DCAF1: variants seen among roughly 807,000 people sequenced by gnomAD.
DCAF1 encodes DDB1 and CUL4 associated factor 1.
A neutral mutation model predicts 128.0 loss-of-function variants in DCAF1; 15 were observed. That is an observed-to-expected ratio of 0.12 (90% CI 0.08 to 0.18). DCAF1 has a LOEUF of 0.18. Ranked by LOEUF, DCAF1 falls within the 10% of genes least tolerant of loss-of-function variation. The pLI, the probability that DCAF1 is intolerant of heterozygous loss-of-function variation, is 1.00. For synonymous variants in DCAF1, 610 were observed against 603.0 expected, an observed-to-expected ratio of 1.01 and a Z score of -0.17; for missense variants, 988 against 1,649.5, an observed-to-expected ratio of 0.60 and a Z score of 6.95.
chr3:51,423,465 G>A lies in DCAF1; in HGVS notation c.1848-1034C>T, dbSNP rs1473273642. ...TGCAGTGAGCTGAGATTGAGCCACC[G>A]CACTCCAGCTCGGGCCACAGAGAGA... On this transcript the variant is annotated intron_variant, in intron 13 of 24. Transcript: ENST00000684031. Among the ~76,000 whole-genome samples the A allele has an allele frequency of 2.0e-5, 3 of 149,666 alleles. 1 individual carries two copies. Among genetic ancestry groups the A allele is most frequent in the Middle Eastern group, 6.4e-3 (2 of 314 alleles).
intron 13 of DCAF1, among the ~76,000 whole-genome samples, chr3:51,425,559 CTTTTT>C (rs782117372): frequency 5.2e-5 from 5 of 96,838 alleles, no homozygotes; most frequent in African/African-American, 1.2e-4. Context: ...AAGCTGTCAT[CTTTTT>C]TTTTTTTTTT....
chr3:51,437,346 G>C (rs782615773), intron 9 of DCAF1: 2 of 487,998 alleles, frequency 4.1e-6, no homozygotes, highest in African/African-American at 4.7e-5. Flanking sequence ...TTCCTGGGTT[G>C]CAAAGGGGCT....
chr3:51,420,437 A>C lies in DCAF1; in HGVS notation c.2533T>G (p.Phe845Val). Reference protein sequence around the residue: ...ADVVAQSRISFPEKELLLLIR... With the variant: ...ADVVAQSRISVPEKELLLLIR... The stretch of plus-strand genomic sequence containing the variant: ...AACAAAAGCAGCTCTTTCTCAGGGA[A>C]GGAGATCCTTGACTGGGCAACAACA... The change falls in exon 15 of 25, where the codon TTC (phenylalanine) becomes GTC (valine). Residue 845 changes from phenylalanine to valine, a missense_variant. Around this residue, in one of 11 missense-constraint regions of DCAF1, gnomAD observed 76 missense variants for 186.9 expected, o/e 0.41. Transcript: ENST00000684031. This position sits in a 1 kb window ranked among gnomAD's most constrained non-coding sequence, Gnocchi z 6.5. 6.2e-7 allele frequency: 1 copy of C among 1,614,012 alleles called. No individual in the cohort carries two copies. The highest frequency in any genetic ancestry group is 2.2e-5 in the East Asian group (1 of 44,880).
intron 23 of DCAF1, among the ~76,000 whole-genome samples, chr3:51,409,774 AG>A (rs1490915545): frequency 4.6e-5 from 7 of 152,220 alleles, no homozygotes; most frequent in Non-Finnish European, 1.0e-4. Context: ...GAGGTGTCTA[AG>A]GTAGCAAACT....
intron 20 of DCAF1, 36 bp from the exon 21 acceptor site, chr3:51,413,422 A>G: frequency 6.3e-7 from 1 of 1,589,084 alleles, no homozygotes; most frequent in Non-Finnish European, 8.6e-7. Context: ...ACTATTAGGA[A>G]TCACAAACAT....
At position 51,412,380 on chromosome 3, in the gene DCAF1, T is replaced by C. The variant is rs1553628706; in HGVS notation, c.4211A>G (p.Gln1404Arg). 1 of 1,613,914 alleles carries C rather than the reference T, an allele frequency of 6.2e-7. No homozygotes were observed. Among genetic ancestry groups the C allele is most frequent in the Admixed American group, 1.7e-5 (1 of 60,016 alleles). Residue 1404 changes from glutamine to arginine, a missense_variant and splice_region_variant, in exon 23 of 25, where the codon CAG (glutamine) becomes CGG (arginine). Transcript: ENST00000684031. ...AAAGAAATCTCAAAGACCACTGACC[T>C]GGTCCTCCTCTTCATCCTCATCCTC... Reference protein sequence around the residue: ...LAEDEDEEEDQEEEEQEEEDD... With the variant: ...LAEDEDEEEDREEEEQEEEDD...
intron 13 of DCAF1, among the ~76,000 whole-genome samples, chr3:51,424,480 C>T (rs1553633547): frequency 6.6e-6 from 1 of 150,492 alleles, no homozygotes; most frequent in Non-Finnish European, 1.5e-5. Flanking sequence ...ATGGTATGAA[C>T]ATTTTTAGAA....
At chr3:51,413,919 A>G (rs1216999819) in intron 20 of DCAF1, 31 bp downstream of exon 20, 10 of 1,458,956 alleles carry the variant, frequency 6.9e-6, no homozygotes, top group Non-Finnish European at 9.1e-6. Context: ...GAGCAAAAGG[A>G]AAGAGAATAA....
chr3:51,436,273 G>A, intron 9 of DCAF1: 1 of 433,940 alleles, frequency 2.3e-6, no homozygotes, highest in Non-Finnish European at 4.7e-6. Flanking sequence ...TGGCAAAATT[G>A]AGATACATGT....
chr3:51,398,624 T>A lies in DCAF1; in HGVS notation c.*145A>T, dbSNP rs1559462955. The A allele has an allele frequency of 9.1e-7, 1 of 1,102,554 alleles. No individual in the cohort carries two copies. Among genetic ancestry groups the A allele is most frequent in the Non-Finnish European group, 1.3e-6 (1 of 784,206 alleles). The allele number at this position is 1,102,554 out of a possible 1,614,324, so 68.3% of individuals were successfully genotyped here. A position where few individuals can be genotyped will look rare whatever the true frequency, so the allele number is the denominator to read the frequency against. ...AAGGACCCTCGGGTGCCAATGAGGCTCTCTAAGCCATAATCTTCTGAATGC... is the reference window on the plus strand; with the variant it reads ...AAGGACCCTCGGGTGCCAATGAGGCACTCTAAGCCATAATCTTCTGAATGC... On this transcript the variant is annotated 3_prime_UTR_variant, in exon 25 of 25. Coordinates refer to ENST00000684031, the MANE Select transcript of DCAF1 (RefSeq NM_001387579.1).
intron 6 of DCAF1, among the ~76,000 whole-genome samples, chr3:51,451,066 A>ATTTTTTT (rs1559527264): frequency 6.1e-5 from 2 of 32,760 alleles, no homozygotes; most frequent in Non-Finnish European, 1.4e-4. Context: ...TAAAAAGGAA[A>ATTTTTTT]TTCTTTTTTT....
intron 2 of DCAF1, among the ~76,000 whole-genome samples, chr3:51,495,112 C>G (rs1553660089): frequency 6.6e-6 from 1 of 151,736 alleles, no homozygotes; most frequent in Non-Finnish European, 1.5e-5. Flanking sequence ...CATCTGAGGT[C>G]AGGAGCTCGA....
chr3:51,399,575 C>T (rs1426604862), intron 24 of DCAF1, among the ~76,000 whole-genome samples: 5 of 152,132 alleles, frequency 3.3e-5, no homozygotes, highest in Non-Finnish European at 7.4e-5. Flanking sequence ...CACATTAACA[C>T]TTCTGGAAGG....
At chr3:51,474,960 T>C (rs1705254273) in intron 3 of DCAF1, among the ~76,000 whole-genome samples, 1 of 151,956 alleles carries the variant, frequency 6.6e-6, no homozygotes, top group South Asian at 2.1e-4. Flanking sequence ...AACTTTTGTA[T>C]TTTTAGTAGA....
intron 6 of DCAF1, among the ~76,000 whole-genome samples, chr3:51,453,270 A>G (rs1431810791): frequency 6.6e-6 from 1 of 152,228 alleles, no homozygotes; most frequent in African/African-American, 2.4e-5. Flanking sequence ...AAAAGTTAAT[A>G]TGAATTTTCT....
chr3:51,463,042 CCA>C, intron 6 of DCAF1, 70 bp downstream of exon 6: 1 of 1,038,718 alleles, frequency 9.6e-7, no homozygotes, highest in Middle Eastern at 2.2e-4. Context: ...ATGATTTTAA[CCA>C]CAAAGACAAA....
At chr3:51,413,442 A>G (rs1698609848) in intron 20 of DCAF1, 56 bp from the exon 21 acceptor site, 2 of 1,562,428 alleles carry the variant, frequency 1.3e-6, no homozygotes, top group Admixed American at 3.9e-5. Flanking sequence ...TCCCCTCTTC[A>G]CAAGTGCAGA....
chr3:51,474,226 C>G (rs999339856), intron 3 of DCAF1, among the ~76,000 whole-genome samples: 1 of 152,050 alleles, frequency 6.6e-6, no homozygotes, highest in Non-Finnish European at 1.5e-5. Flanking sequence ...CGAAATCAGC[C>G]TGACCAACAT....
chr3:51,440,324 C>G (rs1051835949), intron 9 of DCAF1, among the ~76,000 whole-genome samples: 4 of 152,168 alleles, frequency 2.6e-5, no homozygotes, highest in African/African-American at 9.7e-5. Flanking sequence ...ATAAAATGCT[C>G]AGTGACACAG....
Sources: gnomAD v4.1 joint callset for allele counts (sites outside exome capture counted in the v4.1 genomes callset) on GRCh38, gnomAD v4.1.1 for gene constraint, gnomAD v4.1.1 regional missense constraint, Gnocchi (gnomAD v3.1) non-coding constraint, MANE v1.5 for transcripts, NCBI Gene and HGNC (gene_info 2026-07-23, HGNC 2026-07-21) for gene names.